The following FAT3 variants were observed in gnomAD, a reference collection of about 807,000 sequenced individuals.
FAT3 encodes FAT atypical cadherin 3.
Under a neutral mutation model 310.2 loss-of-function variants are expected in FAT3, and 95 were observed. The observed-to-expected ratio is 0.31, with a 90% CI of 0.26 to 0.36. The LOEUF (loss-of-function observed/expected upper bound fraction) is 0.36. Among genes scored for constraint, FAT3 ranks in the 10% least tolerant of loss-of-function variants. The pLI, the probability that FAT3 is intolerant of heterozygous loss-of-function variation, is 1.00. For missense variants in FAT3, 5,408 were observed against 5,715.6 expected (o/e 0.95, Z 1.74); for synonymous variants, 2,314 against 2,192.9 (o/e 1.06, Z -1.54).
intron 1 of FAT3, chr11:92,336,141 T>C: frequency 1.8e-6 from 1 of 542,760 alleles, no homozygotes; most frequent in Non-Finnish European, 3.7e-6. Flanking sequence ...AGCTCTGCAG[T>C]GGGCCCACTC....
In FAT3 at chr11:92,895,549, G is replaced by A. The variant is rs761319306; in HGVS notation, c.*4436G>A. 1.3e-5 allele frequency: 2 copies of A among 152,216 alleles called. No homozygotes were observed. Among genetic ancestry groups the A allele is most frequent in the Non-Finnish European group, 2.9e-5 (2 of 68,044 alleles). The allele number at this position is 152,216 out of a possible 1,614,324, so 9.4% of individuals were successfully genotyped here. ...AGAATCGTAGAGTCATTTGGAGCGT[G>A]TTTGGACCAATTAGTATGTACTGTA... On this transcript the variant is annotated 3_prime_UTR_variant, in exon 28 of 28. Coordinates refer to ENST00000525166, the MANE Select transcript of FAT3 (RefSeq NM_001367949.2).
chr11:92,440,895 C>T (rs144441997), intron 2 of FAT3, among the ~76,000 whole-genome samples: 102 of 152,218 alleles, frequency 6.7e-4, no homozygotes, highest in African/African-American at 2.4e-3. Context: ...AGCCATGTGC[C>T]CTCAGGTACA....
chr11:92,566,084 G>C (rs372895022), intron 3 of FAT3, among the ~76,000 whole-genome samples: 1 of 152,156 alleles, frequency 6.6e-6, no homozygotes, highest in African/African-American at 2.4e-5. Flanking sequence ...TAGGAAAAGA[G>C]GAAGTCGAAT....
At chr11:92,564,434 A>T (rs1955353747) in intron 3 of FAT3, among the ~76,000 whole-genome samples, 1 of 150,518 alleles carries the variant, frequency 6.6e-6, no homozygotes, top group South Asian at 2.2e-4. Context: ...ACACATTAAT[A>T]ATGGGAGACT....
intron 6 of FAT3, among the ~76,000 whole-genome samples, chr11:92,771,244 G>T (rs190045300): frequency 7.6e-4 from 116 of 152,244 alleles, no homozygotes; most frequent in South Asian, 4.4e-3. Context: ...AGCACACCTT[G>T]TTTAAGCGGA....
In FAT3 at chr11:92,359,521, C is replaced by T. The variant is rs1284870251; in HGVS notation, c.3292+4117C>T. Among the ~76,000 whole-genome samples the T allele has an allele frequency of 1.2e-3, 176 of 151,366 alleles. 15 individuals are homozygous for T. Among genetic ancestry groups the T allele is most frequent in the South Asian group, 2.1e-4 (1 of 4,780 alleles). On this transcript the variant is annotated intron_variant, in intron 2 of 27. Transcript: ENST00000525166. ...TACTTTAAGTTTTAGGGTACATGTG[C>T]ACATTGTGCAGGTTAGTTACATATG... is the stretch of plus-strand genomic sequence containing the variant.
At chr11:92,551,442 G>GTGTGTGTGTGTGTA (rs1219531904) in intron 3 of FAT3, among the ~76,000 whole-genome samples, 1 of 151,526 alleles carries the variant, frequency 6.6e-6, no homozygotes, top group Non-Finnish European at 1.5e-5. Flanking sequence ...GTGTGTGTGT[G>GTGTGTGTGTGTGTA]TGTTTTCTCA....
At chr11:92,350,010 G>T (rs1057348558) in intron 1 of FAT3, among the ~76,000 whole-genome samples, 13 of 151,632 alleles carry the variant, frequency 8.6e-5, no homozygotes, top group Non-Finnish European at 1.6e-4. Context: ...GCCTTGTGGG[G>T]TATGGAGAGA....
chr11:92,473,298 G>A (rs372250229), intron 2 of FAT3, among the ~76,000 whole-genome samples: 3 of 151,782 alleles, frequency 2.0e-5, no homozygotes, highest in African/African-American at 7.3e-5. Flanking sequence ...AATTAGCAGT[G>A]TTCTCACTTG....
intron 2 of FAT3, chr11:92,366,761 A>G: frequency 1.9e-6 from 1 of 533,036 alleles, no homozygotes; most frequent in Non-Finnish European, 3.8e-6. Flanking sequence ...CCAAAAGAGT[A>G]GAGCTCTGGT....
chr11:92,504,705 C>T (rs115516982), intron 2 of FAT3, among the ~76,000 whole-genome samples: 1,620 of 152,174 alleles, frequency 0.011, 30 homozygotes, highest in African/African-American at 0.037. Context: ...TCTGGCAGGA[C>T]GTTCTTGTGA....
At chr11:92,341,071 G>C (rs1431617147) in intron 1 of FAT3, among the ~76,000 whole-genome samples, 1 of 152,166 alleles carries the variant, frequency 6.6e-6, no homozygotes, top group Non-Finnish European at 1.5e-5. Context: ...GTCTATTTGT[G>C]GTTGCCTTGG....
chr11:92,735,500 T>A (rs1945315206), intron 4 of FAT3, among the ~76,000 whole-genome samples: 1 of 152,086 alleles, frequency 6.6e-6, no homozygotes, highest in African/African-American at 2.4e-5. Context: ...GTAAATGTGT[T>A]AAGCTGATGG....
intron 2 of FAT3, among the ~76,000 whole-genome samples, chr11:92,483,458 C>G (rs1231964472): frequency 1.3e-5 from 2 of 152,078 alleles, no homozygotes; most frequent in Non-Finnish European, 2.9e-5. Flanking sequence ...GCCTCAGCCT[C>G]CTGAGTAGCT....
intron 3 of FAT3, among the ~76,000 whole-genome samples, chr11:92,604,039 C>T (rs974776191): frequency 2.0e-5 from 3 of 152,190 alleles, no homozygotes; most frequent in African/African-American, 7.2e-5. Flanking sequence ...CTTTCATTTG[C>T]ACTGAAATGG....
At chr11:92,810,187 C>A in intron 13 of FAT3, 111 bp downstream of exon 13, 1 of 919,032 alleles carries the variant, frequency 1.1e-6, no homozygotes, top group Non-Finnish European at 1.6e-6. Flanking sequence ...TTCTTTACCA[C>A]GAGAACATGT....
In FAT3 at chr11:92,669,638, A is replaced by C. The variant is rs193006066; in HGVS notation, c.3608-27746A>C. Among the ~76,000 whole-genome samples, 62 of 152,274 alleles carry C rather than the reference A, an allele frequency of 4.1e-4. No homozygotes were observed. The South Asian group carries it at 7.5e-3, about 18-fold the overall frequency. On this transcript the variant is annotated intron_variant, in intron 3 of 27. Coordinates refer to ENST00000525166, the MANE Select transcript of FAT3 (RefSeq NM_001367949.2). ...AAAGCCAGTTTTTGCATTCTGGGTT[A>C]GGGTAAGAGGGGTTGGCCAGTATAT...
intron 1 of FAT3, among the ~76,000 whole-genome samples, chr11:92,319,897 A>T (rs1947562915): frequency 6.6e-6 from 1 of 152,220 alleles, no homozygotes; most frequent in Non-Finnish European, 1.5e-5. Flanking sequence ...AGGAGTAGGG[A>T]TGAGGAAGAC....
chr11:92,698,706 C>A (rs1169396461), intron 4 of FAT3, among the ~76,000 whole-genome samples: 1 of 151,924 alleles, frequency 6.6e-6, no homozygotes, highest in South Asian at 2.1e-4. Context: ...TATAGTAATT[C>A]TTTTTTCAAA....
Sources: allele counts gnomAD v4.1 joint callset (sites outside exome capture counted in the v4.1 genomes callset), GRCh38; gene constraint gnomAD v4.1.1; transcripts MANE v1.5; gene names NCBI Gene and HGNC (gene_info 2026-07-23, HGNC 2026-07-21).